Variants in ASXL3 observed in about 807,000 individuals in gnomAD.
ASXL3 encodes ASXL transcriptional regulator 3, also known as putative Polycomb group protein ASXL3.
Under a neutral mutation model 170.6 loss-of-function variants are expected in ASXL3, and 34 were observed. That is an observed-to-expected ratio of 0.20 (90% CI 0.15 to 0.27). ASXL3 has a LOEUF of 0.27. Among genes scored for constraint, ASXL3 ranks in the 10% least tolerant of loss-of-function variants. ASXL3 has a pLI of 1.00. For synonymous variants in ASXL3, 1,002 were observed against 989.1 expected (o/e 1.01, Z -0.24); for missense variants, 2,592 against 2,695.3 (o/e 0.96, Z 0.85).
chr18:33,620,836 C>G (rs9959496), intron 2 of ASXL3, among the ~76,000 whole-genome samples: 15,103 of 152,024 alleles, frequency 0.099, 1,068 homozygotes, highest in African/African-American at 0.2. Context: ...CCTAATTTCC[C>G]CAACAATTTC....
intron 1 of ASXL3, among the ~76,000 whole-genome samples, chr18:33,589,705 T>C (rs1033926808): frequency 2.0e-5 from 3 of 152,168 alleles, no homozygotes; most frequent in Non-Finnish European, 4.4e-5. Context: ...CTTTTAAGAG[T>C]ATAGGAATTT....
At chr18:33,585,421 A>G (rs976437577) in intron 1 of ASXL3, among the ~76,000 whole-genome samples, 1 of 152,144 alleles carries the variant, frequency 6.6e-6, no homozygotes, top group South Asian at 2.1e-4. Context: ...TTATTAAACA[A>G]ATCTACAAAA....
chr18:33,596,472 AT>A (rs1178288965), intron 1 of ASXL3, among the ~76,000 whole-genome samples: 2 of 152,224 alleles, frequency 1.3e-5, no homozygotes, highest in Non-Finnish European at 2.9e-5. Context: ...CAAAATAAAC[AT>A]CATTGTTATT....
intron 1 of ASXL3, among the ~76,000 whole-genome samples, chr18:33,579,334 C>T (rs1304937731): frequency 6.6e-6 from 1 of 151,992 alleles, no homozygotes; most frequent in African/African-American, 2.4e-5. Context: ...ATTCTGTGCA[C>T]GTGTGTGCAA....
chr18:33,702,890 T>C (rs2066898934), intron 8 of ASXL3, among the ~76,000 whole-genome samples: 1 of 152,166 alleles, frequency 6.6e-6, no homozygotes, highest in Non-Finnish European at 1.5e-5. Flanking sequence ...CTCAAGATTT[T>C]ATAATCTGCT....
chr18:33,744,953 T>G lies in ASXL3; in HGVS notation c.5105T>G (p.Val1702Gly). The G allele has an allele frequency of 6.2e-7, 1 of 1,613,944 alleles. No homozygotes were observed. Among genetic ancestry groups the G allele is most frequent in the Non-Finnish European group, 8.5e-7 (1 of 1,179,882 alleles). Reference sequence around the variant, plus strand: ...CCGGCTGCAGAGGGAGCCTCTAGTGTACAACAAACACAGAACATGAAAGCT... The same window carrying G: ...CCGGCTGCAGAGGGAGCCTCTAGTGGACAACAAACACAGAACATGAAAGCT... ...PPPAAEGASS[V>G]QQTQNMKAST... Residue 1702 changes from valine to glycine, a missense_variant, in exon 12 of 12, where the codon GTA becomes GGA. Around this residue, in one of 4 missense-constraint regions of ASXL3, gnomAD observed 2,246 missense variants for 2,219.6 expected, o/e 1.01. Transcript: ENST00000269197.
chr18:33,687,298 T>A (rs1404896979), intron 8 of ASXL3, among the ~76,000 whole-genome samples: 1 of 152,288 alleles, frequency 6.6e-6, no homozygotes, highest in South Asian at 2.1e-4. Flanking sequence ...TTAGTCTAGC[T>A]TATTGCAAAT....
intron 2 of ASXL3, chr18:33,641,719 G>T (rs982485110): frequency 2.0e-5 from 3 of 152,364 alleles, no homozygotes; most frequent in African/African-American, 4.8e-5. Context: ...GTAAGATGAA[G>T]AATTGTGTTT....
intron 2 of ASXL3, among the ~76,000 whole-genome samples, chr18:33,629,587 G>A (rs2065648373): frequency 6.6e-6 from 1 of 151,894 alleles, no homozygotes; most frequent in Non-Finnish European, 1.5e-5. Context: ...TACTACCTTG[G>A]CTCTCCAATT....
At position 33,578,582 on chromosome 18, in the gene ASXL3, C is replaced by T. The variant is rs377468669; in HGVS notation, c.-50C>T. On this transcript the variant is annotated 5_prime_UTR_variant, in exon 1 of 12. Transcript: ENST00000269197. ...TGTCTCCGCGCCCGAACCCCGAGCA[C>T]CCCGTGGAATCCCCCACGTCATCAT... 6 of 1,180,750 alleles carry T rather than the reference C, an allele frequency of 5.1e-6. No individual in the cohort carries two copies. The highest frequency in any genetic ancestry group is 6.6e-6 in the Non-Finnish European group (6 of 910,894). The allele number at this position is 1,180,750 out of a possible 1,614,324, so 73.1% of individuals were successfully genotyped here. A position where few individuals can be genotyped will look rare whatever the true frequency, so the allele number is the denominator to read the frequency against.
chr18:33,747,994 A>G lies in ASXL3; in HGVS notation c.*1399A>G, dbSNP rs1273522874. On this transcript the variant is annotated 3_prime_UTR_variant, in exon 12 of 12. Transcript: ENST00000269197. ...AAAGCAAGTTCAAAAGCACATGCAC[A>G]TTGAGGGAAGATGAAAGAAAACAAA... The G allele has an allele frequency of 3.3e-5, 5 of 152,194 alleles. No homozygotes were observed. The highest frequency in any genetic ancestry group is 4.4e-5 in the Non-Finnish European group (3 of 68,046). 9.4% of individuals were successfully genotyped at this position (152,194 alleles called of 1,614,324 possible). A position where few individuals can be genotyped will look rare whatever the true frequency, so the allele number is the denominator to read the frequency against.
chr18:33,608,912 C>A, intron 2 of ASXL3: 1 of 357,040 alleles, frequency 2.8e-6, no homozygotes, highest in Non-Finnish European at 3.9e-6. Flanking sequence ...GGTCCATGGA[C>A]ATCACAATTT....
rs2145429794 is a variant in ASXL3, at chr18:33,744,663, C to A, written c.4815C>A (p.Asn1605Lys). The A allele has an allele frequency of 1.9e-6, 3 of 1,608,164 alleles. No homozygotes were observed. In the South Asian group the frequency reaches 3.3e-5, roughly 18 times the overall value. ...GTAGCAATCAGTATAACCCAAGTAACCGGATTTGCTGGAATGATGATGGGA... is the reference window on the plus strand; with the variant it reads ...GTAGCAATCAGTATAACCCAAGTAAACGGATTTGCTGGAATGATGATGGGA... ...TTCSNQYNPS[N>K]RICWNDDGMR... is the part of the protein sequence containing the mutation. Residue 1605 changes from asparagine to lysine, a missense_variant, in exon 12 of 12, where the codon AAC becomes AAA. Physicochemically the swap from Asn to Lys is moderately conservative, Grantham distance 94 (BLOSUM62 0). Transcript: ENST00000269197.
intron 5 of ASXL3, among the ~76,000 whole-genome samples, chr18:33,668,370 G>A (rs2066290703): frequency 1.3e-5 from 2 of 150,282 alleles, no homozygotes; most frequent in South Asian, 4.2e-4. Flanking sequence ...GGAGCTTGCA[G>A]TGAGCCGAGA....
At chr18:33,644,410 G>T (rs777601959) in intron 2 of ASXL3, among the ~76,000 whole-genome samples, 3 of 150,702 alleles carry the variant, frequency 2.0e-5, no homozygotes, top group Admixed American at 1.3e-4. Context: ...TTCTTCCCTG[G>T]TTTATTATTC....
intron 5 of ASXL3, among the ~76,000 whole-genome samples, chr18:33,667,544 A>T (rs1330734693): frequency 6.6e-6 from 1 of 152,056 alleles, no homozygotes; most frequent in African/African-American, 2.4e-5. Flanking sequence ...TTTCTGGAAT[A>T]ATGAAAAGTT....
intron 7 of ASXL3, among the ~76,000 whole-genome samples, chr18:33,681,102 C>T (rs936227014): frequency 6.6e-6 from 1 of 151,784 alleles, no homozygotes; most frequent in African/African-American, 2.4e-5. Context: ...TCATATCTCT[C>T]TTGTTCCCAG....
chr18:33,684,525 C>T (rs550861934), intron 8 of ASXL3, among the ~76,000 whole-genome samples: 1 of 151,996 alleles, frequency 6.6e-6, no homozygotes, highest in Non-Finnish European at 1.5e-5. Context: ...ATATGTATCT[C>T]TTTGGTGGTG....
chr18:33,653,893 A>C (rs561618274), intron 4 of ASXL3, among the ~76,000 whole-genome samples: 1 of 152,076 alleles, frequency 6.6e-6, no homozygotes, highest in South Asian at 2.1e-4. Flanking sequence ...GATGATAAAC[A>C]ACAGATGGTC....
Sources: allele counts gnomAD v4.1 joint callset (sites outside exome capture counted in the v4.1 genomes callset), GRCh38; gene constraint gnomAD v4.1.1; regional missense constraint gnomAD v4.1.1; transcripts MANE v1.5; gene names NCBI Gene and HGNC (gene_info 2026-07-23, HGNC 2026-07-21).